ANKAR: variants seen among roughly 807,000 people sequenced by gnomAD.
ANKAR encodes the protein ankyrin and armadillo repeat containing, also known as ankyrin and armadillo repeat-containing protein.
Under a neutral mutation model 146.2 loss-of-function variants are expected in ANKAR, and 136 were observed. The ratio of observed to expected loss-of-function variants is 0.93; its 90% confidence interval spans 0.81 to 1.07. The LOEUF is 1.07. ANKAR is among the 50% of genes least tolerant of loss of function. The pLI is 0.00. For missense variants in ANKAR, 1,567 were observed against 1,679.9 expected, an observed-to-expected ratio of 0.93 and a Z score of 1.18; for synonymous variants, 500 against 575.8, an observed-to-expected ratio of 0.87 and a Z score of 1.88.
At chr2:189,745,027 C>CTACTACTAATAA (rs376824673) in intron 22 of ANKAR, among the ~76,000 whole-genome samples, 2 of 131,116 alleles carry the variant, frequency 1.5e-5, no homozygotes. Flanking sequence ...ACTACTACTA[C>CTACTACTAATAA]TAATAATACA....
chr2:189,744,906 C>T (rs1044916968), intron 22 of ANKAR, 118 bp downstream of exon 22: 57 of 737,410 alleles, frequency 7.7e-5, no homozygotes, highest in Non-Finnish European at 1.1e-4. Flanking sequence ...GCCTGTAATC[C>T]CAGCACTTTG....
chr2:189,706,300 T>A (rs1431227107), intron 8 of ANKAR, among the ~76,000 whole-genome samples: 1 of 151,812 alleles, frequency 6.6e-6, no homozygotes, highest in Non-Finnish European at 1.5e-5. Flanking sequence ...GGCATGAGAA[T>A]CACTTGAACC....
chr2:189,729,716 G>GTGT (rs1553529034), intron 15 of ANKAR, among the ~76,000 whole-genome samples: 2 of 69,378 alleles, frequency 2.9e-5, no homozygotes, highest in Non-Finnish European at 4.0e-5. Context: ...GTGTGTGTGT[G>GTGT]GTGCGGGTGG....
At chr2:189,725,485 A>G (rs2041779965) in intron 12 of ANKAR, among the ~76,000 whole-genome samples, 1 of 152,180 alleles carries the variant, frequency 6.6e-6, no homozygotes, top group Non-Finnish European at 1.5e-5. Context: ...GAACATCATC[A>G]TATGGTGACA....
At chr2:189,725,959 C>T (rs974281861) in intron 12 of ANKAR, among the ~76,000 whole-genome samples, 2 of 152,024 alleles carry the variant, frequency 1.3e-5, no homozygotes, top group African/African-American at 4.8e-5. Flanking sequence ...AAATAGGAGC[C>T]TGTGCCCTCA....
chr2:189,683,585 C>T (rs2035080080), intron 2 of ANKAR, among the ~76,000 whole-genome samples: 1 of 152,196 alleles, frequency 6.6e-6, no homozygotes, highest in South Asian at 2.1e-4. Flanking sequence ...CCCTTTCTTC[C>T]AAGCTTAGTG....
chr2:189,751,846 A>T (rs1002537247), intron 18 of ANKAR, among the ~76,000 whole-genome samples: 8 of 151,934 alleles, frequency 5.3e-5, no homozygotes, highest in Non-Finnish European at 1.2e-4. Context: ...ACAGAATTTG[A>T]TAGTAATTTG....
downstream of ANKAR, chr2:189,761,221 T>G: frequency 4.9e-6 from 2 of 405,180 alleles, no homozygotes; most frequent in Non-Finnish European, 4.3e-6. Flanking sequence ...GGCAACAGGA[T>G]TAGTTAAGGT....
chr2:189,748,444 G>A (rs1251711634), downstream of ANKAR, among the ~76,000 whole-genome samples: 4 of 152,108 alleles, frequency 2.6e-5, no homozygotes, highest in East Asian at 3.9e-4. Flanking sequence ...GGCTGGTCCC[G>A]AATTCCTGGC....
chr2:189,748,561 T>C (rs1284480983), downstream of ANKAR, among the ~76,000 whole-genome samples: 3 of 152,220 alleles, frequency 2.0e-5, no homozygotes, highest in Non-Finnish European at 4.4e-5. Context: ...AATCTTCATA[T>C]TTACTTCTAA....
intron 19 of ANKAR, among the ~76,000 whole-genome samples, chr2:189,740,195 T>C (rs1193763950): frequency 1.3e-5 from 2 of 151,618 alleles, no homozygotes; most frequent in Non-Finnish European, 2.9e-5. Flanking sequence ...GAGTTCCTCC[T>C]TCTACTCCTT....
rs2045937916 is a variant in ANKAR at position 189,755,409 on chromosome 2, C to T, written c.*585-5689C>T. 1.9e-6 allele frequency: 3 copies of T among 1,611,462 alleles called. No homozygotes were observed. The African/African-American group carries it at 4.0e-5, about 22-fold the overall frequency. ...TGTAAGCTAAATGATAAGCCCACTC[C>T]CAGGCTTAAAGCAAGTCCTGGTTTT... On this transcript the variant is annotated intron_variant and NMD_transcript_variant, in intron 18 of 18. Coordinates refer to the ANKAR transcript ENST00000441800.
Position 189,728,342 on chromosome 2 carries a change from A to G in ANKAR, c.2953A>G (p.Lys985Glu). ...GGCAGGACAAACACTAAAACAACAA[A>G]AATATATGGCAGAACAAATTGGATA... ...ALAGQTLKQQKYMAEQIGYSF... is the reference protein window; with the variant it reads ...ALAGQTLKQQEYMAEQIGYSF... Residue 985 changes from lysine to glutamate, a missense_variant, in exon 14 of 23, where the codon AAA (lysine) becomes GAA (glutamate). Coordinates refer to ENST00000684021, the MANE Select transcript of ANKAR (RefSeq NM_001378068.1). 6.2e-7 allele frequency: 1 copy of G among 1,613,534 alleles called. No homozygotes were observed. The highest frequency in any genetic ancestry group is 8.5e-7 in the Non-Finnish European group (1 of 1,179,818).
downstream of ANKAR, among the ~76,000 whole-genome samples, chr2:189,762,184 A>G (rs1452347129): frequency 6.6e-6 from 1 of 152,246 alleles, no homozygotes; most frequent in Non-Finnish European, 1.5e-5. Context: ...CTTAATTGCA[A>G]TCTTTGGAAT....
At chr2:189,720,257 C>CT (rs754226629) in intron 11 of ANKAR, among the ~76,000 whole-genome samples, 1,582 of 146,598 alleles carry the variant, frequency 0.011, 9 homozygotes, top group Non-Finnish European at 0.016. Context: ...TTCTTTTTTT[C>CT]TTTTTTTTTT....
intron 20 of ANKAR, among the ~76,000 whole-genome samples, chr2:189,743,024 T>G (rs1380926162): frequency 6.7e-6 from 1 of 149,560 alleles, no homozygotes; most frequent in East Asian, 2.0e-4. Context: ...TTTTTTTTTT[T>G]AAACACTCCA....
At chr2:189,681,251 G>A (rs1311883274) in intron 2 of ANKAR, among the ~76,000 whole-genome samples, 2 of 152,196 alleles carry the variant, frequency 1.3e-5, no homozygotes, top group Non-Finnish European at 2.9e-5. Context: ...TTAAAGCCAC[G>A]AGAGCCTTTG....
intron 9 of ANKAR, 128 bp downstream of exon 9, chr2:189,707,274 AT>A: frequency 2.2e-6 from 1 of 464,976 alleles, no homozygotes; most frequent in African/African-American, 2.0e-5. Flanking sequence ...TGAAATAAAC[AT>A]TTTATTAAGA....
chr2:189,754,194 G>A (rs910514191), intron 18 of ANKAR: 2 of 1,613,758 alleles, frequency 1.2e-6, no homozygotes, highest in Non-Finnish European at 1.7e-6. Context: ...TTGAAGTCCA[G>A]TAAAAGAAAA....
Sources: allele counts gnomAD v4.1 joint callset (sites outside exome capture counted in the v4.1 genomes callset), GRCh38; gene constraint gnomAD v4.1.1; transcripts MANE v1.5; gene names NCBI Gene and HGNC (gene_info 2026-07-23, HGNC 2026-07-21).